Variants in FARP1 observed in about 807,000 individuals in gnomAD.
FARP1 encodes FERM, ARHGEF and pleckstrin domain-containing protein 1.
FARP1 carries 52 observed loss-of-function variants against 128.8 expected under a neutral mutation model. That is an observed-to-expected ratio of 0.40 (90% CI 0.32 to 0.51). The LOEUF is 0.51. Among genes scored for constraint, FARP1 ranks in the 20% least tolerant of loss-of-function variants. FARP1 has a pLI of 0.45. For missense variants in FARP1, 1,333 were observed against 1,367.9 expected (o/e 0.97, Z 0.40); for synonymous variants, 580 against 551.8 (o/e 1.05, Z -0.72).
intron 2 of FARP1, among the ~76,000 whole-genome samples, chr13:98,261,282 C>T (rs374860008): frequency 1.3e-5 from 2 of 152,124 alleles, no homozygotes; most frequent in East Asian, 1.9e-4. Context: ...GTGGGCGACC[C>T]CTGGCCCTGA....
At chr13:98,171,944 C>T (rs2139166801) in intron 1 of FARP1, among the ~76,000 whole-genome samples, 1 of 152,268 alleles carries the variant, frequency 6.6e-6, no homozygotes, top group East Asian at 1.9e-4. Context: ...AAATCACATT[C>T]AGCCTGAGGT....
intron 2 of FARP1, among the ~76,000 whole-genome samples, chr13:98,305,296 C>T (rs1886095582): frequency 6.6e-6 from 1 of 151,672 alleles, no homozygotes; most frequent in African/African-American, 2.4e-5. Flanking sequence ...ATCCCTCGCA[C>T]TTTCAATGCC....
At position 98,270,020 on chromosome 13, in the gene FARP1, A is replaced by G. The variant is rs143788473; in HGVS notation, c.171+56607A>G. Among the ~76,000 whole-genome samples the G allele has an allele frequency of 7.7e-3, 1,177 of 152,294 alleles. 19 individuals are homozygous for G. Among genetic ancestry groups the G allele is most frequent in the African/African-American group, 0.027 (1,130 of 41,548 alleles). On this transcript the variant is annotated intron_variant, in intron 2 of 26. Coordinates refer to ENST00000319562, the MANE Select transcript of FARP1 (RefSeq NM_005766.4). ...CTTGGGAGGCTGAGGCCAGAGAATC[A>G]CTTGAACCTGAGAGGCGGAGGTTGC...
In FARP1 at chr13:98,246,087, C is replaced by CTTT. The variant is rs56274534; in HGVS notation, c.171+32699_171+32701dup. On this transcript the variant is annotated intron_variant, in intron 2 of 26. Transcript: ENST00000319562. ...CCACTGCGCCCGGCCGAGATAAATT[C>CTTT]TTTTTTTTTTTTTTTTTTTTTTTTT... is the stretch of plus-strand genomic sequence containing the variant. Among the ~76,000 whole-genome samples the CTTT allele has an allele frequency of 2.6e-3, 97 of 36,912 alleles. 20 individuals are homozygous for CTTT. The highest frequency in any genetic ancestry group is 0.012 in the African/African-American group (94 of 8,150). 24.2% of individuals were successfully genotyped at this position (36,912 alleles called of 152,430 possible).
intron 2 of FARP1, among the ~76,000 whole-genome samples, chr13:98,264,438 G>A (rs1225549182): frequency 1.3e-5 from 2 of 152,130 alleles, no homozygotes; most frequent in African/African-American, 2.4e-5. Context: ...CATGCTGTCC[G>A]TGCTCCCCGT....
rs1877246160 is a variant in FARP1, at chr13:98,166,035, C to T, written c.-24+22543C>T. On this transcript the variant is annotated intron_variant, in intron 1 of 26. Transcript: ENST00000319562. ...GCGCCCAGCCCAGAAGTCTTTTATGCATAGACATTTAGCATGAATAGTAGC... is the reference window on the plus strand; with the variant it reads ...GCGCCCAGCCCAGAAGTCTTTTATGTATAGACATTTAGCATGAATAGTAGC... 2.6e-5 allele frequency among the ~76,000 whole-genome samples: 4 copies of T among 152,108 alleles called. No individual in the cohort carries two copies. In the South Asian group the frequency reaches 8.3e-4, roughly 32 times the overall value.
At position 98,453,004 on chromosome 13, in the gene FARP1, G is replaced by T; in HGVS notation, c.*4687G>T. 1.6e-6 allele frequency: 1 copy of T among 607,476 alleles called. No individual in the cohort carries two copies. The highest frequency in any genetic ancestry group is 2.8e-6 in the Non-Finnish European group (1 of 355,396). The allele number at this position is 607,476 out of a possible 1,614,324, so 37.6% of individuals were successfully genotyped here. A position where few individuals can be genotyped will look rare whatever the true frequency, so the allele number is the denominator to read the frequency against. Reference sequence around the variant, plus strand: ...CCCATCTGAGAGACTTCATCTGGCTGCAGCACAGTGAAGACTGTGTGTGTC... The same window carrying T: ...CCCATCTGAGAGACTTCATCTGGCTTCAGCACAGTGAAGACTGTGTGTGTC... On this transcript the variant is annotated 3_prime_UTR_variant, in exon 27 of 27. Coordinates refer to ENST00000319562, the MANE Select transcript of FARP1 (RefSeq NM_005766.4).
In FARP1 at chr13:98,372,293, GC is replaced by G. The variant is rs376091030; in HGVS notation, c.398+4100del. ...GTAGAGACGGGGTTTCACCATATTG[GC>G]CAGGCTGGTCTCGAACTCCTGACCT... On this transcript the variant is annotated intron_variant, in intron 5 of 26. Coordinates refer to ENST00000319562, the MANE Select transcript of FARP1 (RefSeq NM_005766.4). Among the ~76,000 whole-genome samples, 353 of 152,084 alleles carry G rather than the reference GC, an allele frequency of 2.3e-3. 2 individuals carry two copies. The highest frequency in any genetic ancestry group is 0.013 in the East Asian group (68 of 5,154).
intron 2 of FARP1, among the ~76,000 whole-genome samples, chr13:98,284,470 G>A (rs1439917030): frequency 2.0e-5 from 3 of 152,102 alleles, no homozygotes; most frequent in African/African-American, 7.2e-5. Context: ...CCCCCAACCC[G>A]AGAGCTAGAC....
intron 19 of FARP1, among the ~76,000 whole-genome samples, chr13:98,436,966 A>G (rs1260652909): frequency 6.6e-6 from 1 of 152,166 alleles, no homozygotes; most frequent in Non-Finnish European, 1.5e-5. Flanking sequence ...CTTGGATTGG[A>G]GGAGGTGGCC....
In FARP1 at chr13:98,438,728, C is replaced by CG. The variant is rs1315806258; in HGVS notation, c.2275-72dup. The CG allele has an allele frequency of 3.3e-6, 4 of 1,202,744 alleles. No individual in the cohort carries two copies. In the African/African-American group the frequency reaches 6.0e-5, roughly 18 times the overall value. The allele number at this position is 1,202,744 out of a possible 1,614,324, so 74.5% of individuals were successfully genotyped here. On this transcript the variant is annotated intron_variant, in intron 19 of 26. Coordinates refer to ENST00000319562, the MANE Select transcript of FARP1 (RefSeq NM_005766.4). ...CCTCAGGGGCTACAAATTTAGCCCT[C>CG]GGGGTCTGCACACTGGCCGTCAGCC...
chr13:98,443,562 C>A (rs1892619238), intron 24 of FARP1, among the ~76,000 whole-genome samples: 1 of 152,240 alleles, frequency 6.6e-6, no homozygotes, highest in East Asian at 1.9e-4. Context: ...TCTCCCAGTT[C>A]CCACTCCCGT....
At position 98,383,223 on chromosome 13, in the gene FARP1, C is replaced by G. The variant is rs190545704; in HGVS notation, c.497-1507C>G. On this transcript the variant is annotated intron_variant, in intron 6 of 26. Coordinates refer to ENST00000319562, the MANE Select transcript of FARP1 (RefSeq NM_005766.4). ...GAAGGAATTGCAGAGAAGCCAGGCCCTCTATTGTCAAGGCAACATATAACG... is the reference window on the plus strand; with the variant it reads ...GAAGGAATTGCAGAGAAGCCAGGCCGTCTATTGTCAAGGCAACATATAACG... Among the ~76,000 whole-genome samples, 640 of 152,314 alleles carry G rather than the reference C, an allele frequency of 4.2e-3. 2 individuals are homozygous for G. Among genetic ancestry groups the G allele is most frequent in the Admixed American group, 8.8e-3 (135 of 15,304 alleles).
chr13:98,257,443 ATC>A (rs1491154741), intron 2 of FARP1, among the ~76,000 whole-genome samples: 3 of 138,964 alleles, frequency 2.2e-5, no homozygotes, highest in African/African-American at 6.1e-5. Context: ...TTTCTGCACT[ATC>A]TATTATACAT....
At chr13:98,402,770 A>G (rs1229938038) in intron 13 of FARP1, 3 of 152,174 alleles carry the variant, frequency 2.0e-5, no homozygotes, top group Admixed American at 2.0e-4. Flanking sequence ...ACCAAACCTC[A>G]CCAGCTTGGC....
rs529011831 is a variant in FARP1 at position 98,275,483 on chromosome 13, T to A, written c.171+62070T>A. Reference sequence around the variant, plus strand: ...GATTTGGTAAATATTTTAAAATATTTTATGAATTTTTAATAGGTTTAATTG... The same window carrying A: ...GATTTGGTAAATATTTTAAAATATTATATGAATTTTTAATAGGTTTAATTG... On this transcript the variant is annotated intron_variant, in intron 2 of 26. Transcript: ENST00000319562. Among the ~76,000 whole-genome samples the A allele has an allele frequency of 1.3e-4, 20 of 151,920 alleles. No individual in the cohort carries two copies. The South Asian group carries it at 4.1e-3, about 32-fold the overall frequency.
At chr13:98,223,630 A>G (rs1369328913) in intron 2 of FARP1, among the ~76,000 whole-genome samples, 4 of 152,108 alleles carry the variant, frequency 2.6e-5, no homozygotes, top group Non-Finnish European at 5.9e-5. Flanking sequence ...CTGGCCATAG[A>G]AGACATTGCT....
At chr13:98,231,477 G>T (rs1377256724) in intron 2 of FARP1, among the ~76,000 whole-genome samples, 12 of 152,028 alleles carry the variant, frequency 7.9e-5, no homozygotes, top group Non-Finnish European at 1.5e-4. Flanking sequence ...TCGCTCTACT[G>T]CCCAAGCTGG....
intron 2 of FARP1, among the ~76,000 whole-genome samples, chr13:98,225,783 A>AT (rs1300917744): frequency 6.6e-6 from 1 of 152,064 alleles, no homozygotes; most frequent in Non-Finnish European, 1.5e-5. Context: ...TTCCAAACTT[A>AT]TTTTTGCCCT....
Sources: allele counts gnomAD v4.1 joint callset (sites outside exome capture counted in the v4.1 genomes callset), GRCh38; gene constraint gnomAD v4.1.1; transcripts MANE v1.5; gene names NCBI Gene and HGNC (gene_info 2026-07-23, HGNC 2026-07-21).